The following KALRN variants were observed in gnomAD, a reference collection of about 807,000 sequenced individuals.
The protein encoded by KALRN is kalirin RhoGEF kinase.
A neutral mutation model predicts 353.7 loss-of-function variants in KALRN; 70 were observed. That is an observed-to-expected ratio of 0.20 (90% CI 0.16 to 0.24). The LOEUF is 0.24. KALRN is among the 10% of genes least tolerant of loss of function. The pLI, the probability that KALRN is intolerant of heterozygous loss-of-function variation, is 1.00. For missense variants in KALRN, 2,791 were observed against 3,756.7 expected (o/e 0.74, Z 6.72); for synonymous variants, 1,391 against 1,434.8 (o/e 0.97, Z 0.69).
intron 1 of KALRN, among the ~76,000 whole-genome samples, chr3:124,145,064 C>T (rs886623424): frequency 6.6e-6 from 1 of 152,092 alleles, no homozygotes; most frequent in South Asian, 2.1e-4. Flanking sequence ...GGAGCAAGCC[C>T]TTCTCTTATG....
At chr3:124,333,098 A>G (rs566861413) in intron 8 of KALRN, among the ~76,000 whole-genome samples, 103 of 152,182 alleles carry the variant, frequency 6.8e-4, no homozygotes, top group Non-Finnish European at 1.1e-3. Flanking sequence ...GTGCAGGGGA[A>G]CTGCCCTTTT....
At chr3:124,475,818 T>G (rs1434557204) in intron 26 of KALRN, among the ~76,000 whole-genome samples, 1 of 152,234 alleles carries the variant, frequency 6.6e-6, no homozygotes, top group Non-Finnish European at 1.5e-5. Context: ...CACTCTTGTT[T>G]CTTCAGAAAG....
At chr3:124,227,901 T>C in intron 1 of KALRN, 89 bp from the exon 2 acceptor site, 2 of 1,031,234 alleles carry the variant, frequency 1.9e-6, no homozygotes, top group Middle Eastern at 2.2e-4. Context: ...TGCCGGCTGA[T>C]GATGGGATTG....
Position 124,632,442 on chromosome 3 carries a change from C to T in KALRN, c.5205C>T (p.Ser1735=), listed in dbSNP as rs367903538. The change falls in exon 35 of 60, where the codon AGC becomes AGT. Residue 1735 remains serine (S), a synonymous_variant. Coordinates refer to ENST00000682506, the MANE Select transcript of KALRN (RefSeq NM_001388419.1). ...LVKDAYSHSS[S]ENGGKSESVA... The stretch of plus-strand genomic sequence containing the variant: ...CAGATGCATACTCTCATTCCTCAAG[C>T]GAGAATGGAGGCAAGTCCGAGTCCG... 52 of 1,613,766 alleles carry T rather than the reference C, an allele frequency of 3.2e-5. 2 individuals are homozygous for T. In the Middle Eastern group the frequency reaches 1.3e-3, roughly 41 times the overall value.
chr3:124,668,567 C>T (rs1240142578), intron 47 of KALRN, among the ~76,000 whole-genome samples: 1 of 152,142 alleles, frequency 6.6e-6, no homozygotes, highest in Non-Finnish European at 1.5e-5. Flanking sequence ...AACAGGATGC[C>T]ACGACTTTTT....
chr3:124,146,890 A>AAAAAAAAAAAAAAG, intron 1 of KALRN, among the ~76,000 whole-genome samples: 1 of 150,512 alleles, frequency 6.6e-6, no homozygotes, highest in Non-Finnish European at 1.5e-5. Context: ...AAAAAAAAAA[A>AAAAAAAAAAAAAAG]AAAAGAAAAG....
At chr3:124,279,133 T>A (rs1580408623) in intron 5 of KALRN, among the ~76,000 whole-genome samples, 2 of 152,260 alleles carry the variant, frequency 1.3e-5, no homozygotes, top group Middle Eastern at 3.4e-3. Flanking sequence ...CCATGCACAG[T>A]TCAGGCCTCC....
At chr3:124,358,136 G>T (rs1226786804) in intron 10 of KALRN, among the ~76,000 whole-genome samples, 1 of 152,120 alleles carries the variant, frequency 6.6e-6, no homozygotes, top group African/African-American at 2.4e-5. Context: ...CATCTTTTGA[G>T]TCAAATTTTG....
At chr3:124,241,563 A>T (rs1392879413) in intron 3 of KALRN, among the ~76,000 whole-genome samples, 1 of 152,222 alleles carries the variant, frequency 6.6e-6, no homozygotes, top group Non-Finnish European at 1.5e-5. Context: ...CAAAAAGTAA[A>T]ATTCTTTTCA....
intron 34 of KALRN, among the ~76,000 whole-genome samples, chr3:124,608,328 C>T (rs530373068): frequency 6.6e-6 from 1 of 152,224 alleles, no homozygotes; most frequent in South Asian, 2.1e-4. Flanking sequence ...CCCTCTCATG[C>T]AACCTTTAAA....
intron 1 of KALRN, among the ~76,000 whole-genome samples, chr3:124,189,405 A>G (rs934114336): frequency 6.6e-6 from 1 of 152,204 alleles, no homozygotes; most frequent in African/African-American, 2.4e-5. Flanking sequence ...AATGGATTCC[A>G]GGAGTTTTGA....
intron 33 of KALRN, among the ~76,000 whole-genome samples, chr3:124,504,096 A>C (rs1197459293): frequency 6.6e-6 from 1 of 152,150 alleles, no homozygotes; most frequent in East Asian, 1.9e-4. Flanking sequence ...CCGCATAAAA[A>C]TTTGTTTCAG....
chr3:124,521,661 A>C (rs2067172949), intron 33 of KALRN, among the ~76,000 whole-genome samples: 1 of 152,196 alleles, frequency 6.6e-6, no homozygotes, highest in South Asian at 2.1e-4. Flanking sequence ...ATGATAATTA[A>C]AGAGTATAGT....
rs535458725 is a variant in KALRN, at chr3:124,319,767, C to T, written c.1093-6213C>T. Among the ~76,000 whole-genome samples, 55 of 151,902 alleles carry T rather than the reference C, an allele frequency of 3.6e-4. No individual in the cohort carries two copies. The South Asian group carries it at 8.1e-3, about 22-fold the overall frequency. On this transcript the variant is annotated intron_variant, in intron 6 of 59. Coordinates refer to ENST00000682506, the MANE Select transcript of KALRN (RefSeq NM_001388419.1). ...CAGCACTTTGGGAAGCCAAGGCAGG[C>T]GGATCACTTGAGGTCAGGAGTTCGA...
chr3:124,671,789 C>A lies in KALRN; in HGVS notation c.6833C>A (p.Pro2278Gln), dbSNP rs746980775. 3 of 1,614,194 alleles carry A rather than the reference C, an allele frequency of 1.9e-6. No homozygotes were observed. The highest frequency in any genetic ancestry group is 2.5e-6 in the Non-Finnish European group (3 of 1,180,006). The change falls in exon 48 of 60, where the codon CCA becomes CAA. Residue 2278 changes from proline to glutamine, a missense_variant. Coordinates refer to ENST00000682506, the MANE Select transcript of KALRN (RefSeq NM_001388419.1). ...SSVPAGSEKP[P>Q]KGSSYNPPLP... ...GTTCCTGCGGGCTCAGAGAAGCCCC[C>A]AAAGGGCTCCAGCTATAACCCACCT...
At chr3:124,188,595 G>A (rs767545545) in intron 1 of KALRN, among the ~76,000 whole-genome samples, 1 of 152,188 alleles carries the variant, frequency 6.6e-6, no homozygotes, top group Non-Finnish European at 1.5e-5. Flanking sequence ...ATGATAGAAG[G>A]AAGTACTTTG....
chr3:124,179,817 A>T (rs1164519431), intron 1 of KALRN, among the ~76,000 whole-genome samples: 2 of 152,232 alleles, frequency 1.3e-5, no homozygotes, highest in East Asian at 3.9e-4. Context: ...ATTCTGCAAT[A>T]AAAGTTATGC....
intron 10 of KALRN, among the ~76,000 whole-genome samples, chr3:124,371,738 AAC>A (rs1473688281): frequency 1.3e-5 from 2 of 152,202 alleles, no homozygotes; most frequent in African/African-American, 4.8e-5. Context: ...ATGTGAAATA[AAC>A]ACAACATGGA....
At chr3:124,268,556 T>C (rs1472250425) in intron 4 of KALRN, 187 bp from the exon 5 acceptor site, 4 of 619,408 alleles carry the variant, frequency 6.5e-6, no homozygotes, top group Non-Finnish European at 1.1e-5. Context: ...CAGCAGTCTG[T>C]AGAAACTGCT....
Sources: gnomAD v4.1 joint callset for allele counts (sites outside exome capture counted in the v4.1 genomes callset) on GRCh38, gnomAD v4.1.1 for gene constraint, MANE v1.5 for transcripts, NCBI Gene and HGNC (gene_info 2026-07-23, HGNC 2026-07-21) for gene names.